Variants in ASTN1 observed in about 807,000 individuals in gnomAD.
The protein encoded by ASTN1 is astrotactin-1.
Under a neutral mutation model 140.7 loss-of-function variants are expected in ASTN1, and 41 were observed. The ratio of observed to expected loss-of-function variants is 0.29; its 90% confidence interval spans 0.23 to 0.38. The LOEUF is 0.38. ASTN1 is among the 10% of genes least tolerant of loss of function. The pLI, the probability that ASTN1 is intolerant of heterozygous loss-of-function variation, is 1.00. For missense variants in ASTN1, 1,479 were observed against 1,678.8 expected (o/e 0.88, Z 2.08); for synonymous variants, 640 against 652.2 (o/e 0.98, Z 0.29).
At chr1:177,075,861 C>G (rs537323673) in intron 1 of ASTN1, among the ~76,000 whole-genome samples, 31 of 151,928 alleles carry the variant, frequency 2.0e-4, no homozygotes, top group Non-Finnish European at 1.3e-4. Context: ...AGACTGGTCT[C>G]AAACTCCTGG....
intron 16 of ASTN1, among the ~76,000 whole-genome samples, chr1:176,912,274 T>C (rs1373691761): frequency 6.6e-6 from 1 of 152,204 alleles, no homozygotes; most frequent in Admixed American, 6.5e-5. Flanking sequence ...TTGCAACTAC[T>C]CAACTGTGCC....
chr1:176,864,416 C>G lies in ASTN1; in HGVS notation c.3753G>C (p.Leu1251=), dbSNP rs764534493. The change falls in exon 23 of 23, where the codon CTG becomes CTC. Residue 1251 remains leucine (L), a synonymous_variant. Coordinates refer to ENST00000361833, the MANE Select transcript of ASTN1 (RefSeq NM_004319.3). ...ISLRRSSLKY[L]GCRYSEIKPY... is the part of the protein sequence containing the mutation. ...GTTTGATCTCGCTGTAGCGGCACCCCAGGTACTTGAGTGAGCTGCGCCGCA... is the reference window on the plus strand; with the variant it reads ...GTTTGATCTCGCTGTAGCGGCACCCGAGGTACTTGAGTGAGCTGCGCCGCA... The G allele has an allele frequency of 2.6e-5, 42 of 1,614,040 alleles. No individual in the cohort carries two copies. The East Asian group carries it at 8.9e-4, about 34-fold the overall frequency.
chr1:177,010,476 T>A (rs1039757684), intron 8 of ASTN1, among the ~76,000 whole-genome samples: 11 of 152,242 alleles, frequency 7.2e-5, no homozygotes, highest in African/African-American at 2.4e-4. Context: ...ACATTCCATG[T>A]TCTTTTAATA....
At chr1:176,984,440 C>T (rs911853598) in intron 8 of ASTN1, among the ~76,000 whole-genome samples, 6 of 152,148 alleles carry the variant, frequency 3.9e-5, no homozygotes, top group African/African-American at 1.4e-4. Flanking sequence ...AGGTTGCCAT[C>T]GCACTGAAAG....
intron 16 of ASTN1, among the ~76,000 whole-genome samples, chr1:176,912,997 C>T (rs1487105703): frequency 6.6e-6 from 1 of 152,154 alleles, no homozygotes; most frequent in African/African-American, 2.4e-5. Context: ...ATCCATGATC[C>T]CACGGAAGGT....
chr1:176,989,656 A>T (rs1187827580), intron 8 of ASTN1, among the ~76,000 whole-genome samples: 7 of 152,170 alleles, frequency 4.6e-5, no homozygotes, highest in African/African-American at 1.2e-4. Context: ...CAGAGCTCAG[A>T]GAGAAGACGA....
intron 17 of ASTN1, among the ~76,000 whole-genome samples, chr1:176,889,580 G>T (rs1669179772): frequency 6.6e-6 from 1 of 152,212 alleles, no homozygotes; most frequent in Admixed American, 6.5e-5. Context: ...CATTCTTTCA[G>T]AACTTTACAT....
At position 176,945,934 on chromosome 1, in the gene ASTN1, T is replaced by C. The variant is rs1282726407; in HGVS notation, c.2241A>G (p.Gly747=). The C allele has an allele frequency of 6.2e-7, 1 of 1,609,458 alleles. No homozygotes were observed. Among genetic ancestry groups the C allele is most frequent in the Non-Finnish European group, 8.5e-7 (1 of 1,177,026 alleles). ...ATGTATATGAGGTTTACCTGAATGTTCCTTTCAGCACCTGTCCGGCAGCCA... is the reference window on the plus strand; with the variant it reads ...ATGTATATGAGGTTTACCTGAATGTCCCTTTCAGCACCTGTCCGGCAGCCA... The part of the protein sequence containing the change: ...KEVAAGQVLK[G]TFRQNNFARG... Residue 747 remains glycine (G), a synonymous_variant, in exon 13 of 23, where the codon GGA becomes GGG. Coordinates refer to ENST00000361833, the MANE Select transcript of ASTN1 (RefSeq NM_004319.3).
intron 1 of ASTN1, among the ~76,000 whole-genome samples, chr1:177,066,762 T>C (rs752485881): frequency 6.6e-6 from 1 of 152,158 alleles, no homozygotes; most frequent in East Asian, 1.9e-4. Context: ...ACCTGGAAAA[T>C]TGTCAAAGAA....
intron 1 of ASTN1, among the ~76,000 whole-genome samples, chr1:177,073,092 CACA>C (rs1678722526): frequency 2.6e-5 from 4 of 152,080 alleles, no homozygotes; most frequent in Non-Finnish European, 4.4e-5. Flanking sequence ...TAAATCAGGA[CACA>C]AAGACAGAAA....
intron 2 of ASTN1, among the ~76,000 whole-genome samples, chr1:177,034,038 C>A (rs1459892100): frequency 6.6e-6 from 1 of 152,076 alleles, no homozygotes. Flanking sequence ...TCAATCATAC[C>A]TCCCTATCAA....
chr1:176,995,550 C>T (rs1558018170), intron 8 of ASTN1, among the ~76,000 whole-genome samples: 1 of 152,116 alleles, frequency 6.6e-6, no homozygotes, highest in East Asian at 1.9e-4. Flanking sequence ...GCACGGCACA[C>T]ACAAGGGCTC....
chr1:176,904,465 G>A (rs542238926), intron 16 of ASTN1, among the ~76,000 whole-genome samples: 3 of 152,238 alleles, frequency 2.0e-5, no homozygotes, highest in African/African-American at 7.2e-5. Flanking sequence ...AGCAGCATGG[G>A]GAGAGGGAGT....
intron 1 of ASTN1, among the ~76,000 whole-genome samples, chr1:177,133,814 T>C (rs1378127259): frequency 2.6e-5 from 4 of 152,232 alleles, no homozygotes; most frequent in Non-Finnish European, 5.9e-5. Context: ...TTCTATAGAT[T>C]GTATGCTTAT....
At chr1:177,147,273 A>G (rs1682761152) in intron 1 of ASTN1, among the ~76,000 whole-genome samples, 1 of 152,152 alleles carries the variant, frequency 6.6e-6, no homozygotes, top group South Asian at 2.1e-4. Flanking sequence ...AGATCTATGG[A>G]ACACTTAGAA....
At chr1:176,997,181 C>T (rs537796717) in intron 8 of ASTN1, among the ~76,000 whole-genome samples, 1 of 152,168 alleles carries the variant, frequency 6.6e-6, no homozygotes, top group African/African-American at 2.4e-5. Flanking sequence ...ACAAGCCAGG[C>T]ACTCTCACTT....
rs1553235894 is a variant in ASTN1, at chr1:176,970,731, G to GGTGGGT, written c.1524-5495_1524-5494insACCCAC. On this transcript the variant is annotated intron_variant, in intron 8 of 22. Coordinates refer to ENST00000361833, the MANE Select transcript of ASTN1 (RefSeq NM_004319.3). ...CTGTGTATATATGAATGTGGGTATG[G>GGTGGGT]GTGTGTGTGTGTGTGTGTGTGTGTG... 6.1e-5 allele frequency among the ~76,000 whole-genome samples: 9 copies of GGTGGGT among 147,244 alleles called. No homozygotes were observed. The South Asian group carries it at 6.7e-4, about 11-fold the overall frequency.
At chr1:176,911,785 A>T (rs1571498185) in intron 16 of ASTN1, among the ~76,000 whole-genome samples, 1 of 152,232 alleles carries the variant, frequency 6.6e-6, no homozygotes, top group African/African-American at 2.4e-5. Flanking sequence ...GATAAAAAGC[A>T]TAGTATCAGA....
At chr1:176,883,279 C>A (rs1171203529) in intron 19 of ASTN1, among the ~76,000 whole-genome samples, 1 of 146,688 alleles carries the variant, frequency 6.8e-6, no homozygotes, top group Admixed American at 6.9e-5. Flanking sequence ...GTCACCCAGG[C>A]TAGAGTGCAG....
Sources: allele counts gnomAD v4.1 joint callset (sites outside exome capture counted in the v4.1 genomes callset), GRCh38; gene constraint gnomAD v4.1.1; transcripts MANE v1.5; gene names NCBI Gene and HGNC (gene_info 2026-07-23, HGNC 2026-07-21).